The following PTK2 variants were observed in gnomAD, a reference collection of about 807,000 sequenced individuals.
The protein encoded by PTK2 is protein tyrosine kinase 2.
A neutral mutation model predicts 150.1 loss-of-function variants in PTK2; 45 were observed. The ratio of observed to expected loss-of-function variants is 0.30; its 90% CI spans 0.24 to 0.38. PTK2 has a LOEUF of 0.38. Ranked by LOEUF, PTK2 falls within the 10% of genes least tolerant of loss-of-function variation. The pLI is 1.00. For missense variants in PTK2, 919 were observed against 1,307.3 expected (o/e 0.70, Z 4.58); for synonymous variants, 432 against 449.2 (o/e 0.96, Z 0.48).
intron 10 of PTK2, among the ~76,000 whole-genome samples, chr8:140,805,172 C>T (rs1469403530): frequency 6.6e-6 from 1 of 152,164 alleles, no homozygotes; most frequent in Non-Finnish European, 1.5e-5. Context: ...TATCATACTA[C>T]CACATGGATG....
At chr8:140,754,691 T>C (rs1028665079) in intron 16 of PTK2, among the ~76,000 whole-genome samples, 6 of 152,222 alleles carry the variant, frequency 3.9e-5, no homozygotes, top group African/African-American at 9.6e-5. Flanking sequence ...TAAGATTCCA[T>C]AGCTGGCAAA....
chr8:140,990,630 G>A (rs2100195362), intron 1 of PTK2, among the ~76,000 whole-genome samples: 1 of 152,140 alleles, frequency 6.6e-6, no homozygotes, highest in Non-Finnish European at 1.5e-5. Context: ...CTGCACAGTT[G>A]AGTGAAAGAT....
At chr8:140,698,415 C>T (rs1172125903) in intron 26 of PTK2, among the ~76,000 whole-genome samples, 2 of 152,070 alleles carry the variant, frequency 1.3e-5, no homozygotes, top group East Asian at 1.9e-4. Context: ...ATATAATATC[C>T]AAATTAATTC....
intron 14 of PTK2, among the ~76,000 whole-genome samples, chr8:140,777,646 G>A (rs1262109202): frequency 1.1e-4 from 16 of 152,228 alleles, no homozygotes; most frequent in Admixed American, 9.8e-4. Context: ...TTAGCTTCCT[G>A]TAGGTCACTG....
intron 27 of PTK2, among the ~76,000 whole-genome samples, chr8:140,676,837 C>T (rs2100014156): frequency 7.0e-6 from 1 of 143,398 alleles, no homozygotes; most frequent in Non-Finnish European, 1.5e-5. Context: ...ACTTGGGAGG[C>T]CTGAGGCGGG....
At chr8:140,751,980 G>A (rs781733592) in intron 17 of PTK2, 5 of 639,916 alleles carry the variant, frequency 7.8e-6, no homozygotes, top group African/African-American at 5.3e-5. Flanking sequence ...GCAAAGATGT[G>A]TAATGGCCTA....
intron 4 of PTK2, among the ~76,000 whole-genome samples, chr8:140,865,591 G>A (rs573289834): frequency 1.8e-4 from 27 of 152,248 alleles, no homozygotes; most frequent in South Asian, 6.2e-4. Context: ...CGCAAGTTCT[G>A]CTAAGACTTA....
intron 1 of PTK2, among the ~76,000 whole-genome samples, chr8:140,965,445 C>A (rs771917107): frequency 6.6e-6 from 1 of 152,300 alleles, no homozygotes; most frequent in East Asian, 1.9e-4. Context: ...CAGACACAAG[C>A]CATGCACTGC....
intron 7 of PTK2, among the ~76,000 whole-genome samples, chr8:140,844,813 T>C (rs970064181): frequency 6.6e-6 from 1 of 152,184 alleles, no homozygotes; most frequent in Non-Finnish European, 1.5e-5. Context: ...AACAGTGAAA[T>C]AAACCAACAT....
intron 25 of PTK2, 59 bp from the exon 29 acceptor site, chr8:140,701,081 C>T (rs2100030141): frequency 9.9e-6 from 15 of 1,520,172 alleles, no homozygotes; most frequent in Admixed American, 4.2e-5. Context: ...TATGCTCTTA[C>T]CTTGTTTTAT....
At chr8:140,891,642 G>A (rs948606338) in intron 2 of PTK2, among the ~76,000 whole-genome samples, 1 of 152,208 alleles carries the variant, frequency 6.6e-6, no homozygotes, top group African/African-American at 2.4e-5. Context: ...AGAGCTTTCG[G>A]CAGCAAGGGA....
intron 5 of PTK2, among the ~76,000 whole-genome samples, chr8:140,857,083 A>C (rs537813560): frequency 2.0e-5 from 3 of 152,336 alleles, no homozygotes; most frequent in African/African-American, 7.2e-5. Context: ...TAATTTCCCC[A>C]CAGTTAAAGT....
chr8:140,859,963 C>A (rs146245395), intron 5 of PTK2, among the ~76,000 whole-genome samples: 18 of 152,356 alleles, frequency 1.2e-4, no homozygotes, highest in African/African-American at 4.3e-4. Context: ...TATATAATTA[C>A]TTACCAAACC....
At chr8:140,838,416 A>G (rs1355996380) in intron 7 of PTK2, among the ~76,000 whole-genome samples, 4 of 152,214 alleles carry the variant, frequency 2.6e-5, no homozygotes, top group Admixed American at 1.3e-4. Context: ...GTCCCTGCAC[A>G]TCCTCTCAGC....
intron 14 of PTK2, among the ~76,000 whole-genome samples, chr8:140,778,001 T>C (rs1472041813): frequency 1.3e-5 from 2 of 152,238 alleles, no homozygotes; most frequent in African/African-American, 4.8e-5. Context: ...TATTTGACAT[T>C]TGTTCTCTCA....
chr8:140,862,255 G>C (rs1261891414), intron 5 of PTK2, among the ~76,000 whole-genome samples: 3 of 151,938 alleles, frequency 2.0e-5, no homozygotes, highest in African/African-American at 7.3e-5. Context: ...TTTCAAAGAA[G>C]TAATACAAGT....
At chr8:140,816,032 T>C (rs552405098) in intron 10 of PTK2, among the ~76,000 whole-genome samples, 76 of 152,208 alleles carry the variant, frequency 5.0e-4, no homozygotes, top group African/African-American at 1.6e-3. Context: ...AAGGAAAAAA[T>C]TGTATGTGGG....
At chr8:140,885,701 G>A (rs1385219449) in intron 3 of PTK2, among the ~76,000 whole-genome samples, 2 of 152,120 alleles carry the variant, frequency 1.3e-5, no homozygotes, top group Non-Finnish European at 2.9e-5. Context: ...GAGAAATGGG[G>A]AGCTCTTGGG....
At chr8:140,674,978 G>A (rs557732300) in intron 28 of PTK2, among the ~76,000 whole-genome samples, 2 of 151,512 alleles carry the variant, frequency 1.3e-5, no homozygotes, top group East Asian at 3.9e-4. Flanking sequence ...GGCTGAGGCA[G>A]GAGAATTGCT....
Sources: gnomAD v4.1 joint callset for allele counts (sites outside exome capture counted in the v4.1 genomes callset) on GRCh38, gnomAD v4.1.1 for gene constraint, MANE v1.5 for transcripts, NCBI Gene and HGNC (gene_info 2026-07-23, HGNC 2026-07-21) for gene names.